SLC23A2: variants seen among roughly 807,000 people sequenced by gnomAD.
SLC23A2 encodes solute carrier family 23 member 2.
SLC23A2 carries 36 observed loss-of-function variants against 73.3 expected under a neutral mutation model. The ratio of observed to expected loss-of-function variants is 0.49; its 90% confidence interval spans 0.38 to 0.65. SLC23A2 has a LOEUF of 0.65. SLC23A2 is among the 30% of genes least tolerant of loss of function. The pLI is 0.00. For missense variants in SLC23A2, 507 were observed against 841.6 expected (o/e 0.60, Z 4.92); for synonymous variants, 343 against 327.3 (o/e 1.05, Z -0.52).
intron 4 of SLC23A2, among the ~76,000 whole-genome samples, chr20:4,907,404 C>A (rs1483808326): frequency 6.6e-6 from 1 of 151,962 alleles, no homozygotes; most frequent in Non-Finnish European, 1.5e-5. Context: ...GCCTCCTATC[C>A]TGGAACAGTG....
intron 3 of SLC23A2, among the ~76,000 whole-genome samples, chr20:4,917,621 T>C: frequency 6.6e-6 from 1 of 152,206 alleles, no homozygotes; most frequent in Admixed American, 6.5e-5. Flanking sequence ...CCAGGAAGTT[T>C]ATTTAACTGT....
At position 4,868,067 on chromosome 20, in the gene SLC23A2, T is replaced by A. The variant is rs1930275938; in HGVS notation, c.1251-192A>T. Among the ~76,000 whole-genome samples the A allele has an allele frequency of 1.4e-5, 2 of 143,156 alleles. No individual in the cohort carries two copies. The highest frequency in any genetic ancestry group is 3.0e-5 in the Non-Finnish European group (2 of 66,218). The allele number at this position is 143,156 out of a possible 152,430, so 93.9% of individuals were successfully genotyped here. A position where few individuals can be genotyped will look rare whatever the true frequency, so the allele number is the denominator to read the frequency against. The stretch of plus-strand genomic sequence containing the variant: ...CCAGACCTGCTGAAGCAGAAAAGAA[T>A]CTGCATTTTTTTTTTTTTTTTTTTT... On this transcript the variant is annotated intron_variant, in intron 12 of 16. Transcript: ENST00000338244. This position sits in a 1 kb window ranked among gnomAD's most constrained non-coding sequence, Gnocchi z 4.4.
intron 2 of SLC23A2, among the ~76,000 whole-genome samples, chr20:4,955,545 T>C (rs1600169953): frequency 6.6e-6 from 1 of 152,212 alleles, no homozygotes; most frequent in East Asian, 1.9e-4. Flanking sequence ...TCCTAGCACT[T>C]TGGGAGGCCA....
Position 4,857,241 on chromosome 20 carries a change from C to T in SLC23A2, c.1721-37G>A, listed in dbSNP as rs531749255. On this transcript the variant is annotated intron_variant, in intron 16 of 16. Transcript: ENST00000338244. The surrounding 1 kb of genome is among the most constrained non-coding windows in gnomAD (Gnocchi z 4.0). ...CCCAAGATAGAACAAAGGAATGCTTCGTTTAGCAGCTCTACTGAAAATGAA... is the reference window on the plus strand; with the variant it reads ...CCCAAGATAGAACAAAGGAATGCTTTGTTTAGCAGCTCTACTGAAAATGAA... The T allele has an allele frequency of 6.2e-4, 710 of 1,139,626 alleles. 11 individuals carry two copies. The South Asian group carries it at 9.0e-3, about 14-fold the overall frequency. The allele number at this position is 1,139,626 out of a possible 1,614,324, so 70.6% of individuals were successfully genotyped here.
intron 2 of SLC23A2, among the ~76,000 whole-genome samples, chr20:4,944,239 TTTTG>T (rs761786310): frequency 1.1e-4 from 17 of 152,144 alleles, no homozygotes; most frequent in African/African-American, 2.9e-4. Flanking sequence ...GAACCTGTAT[TTTTG>T]TTTGTTTGTT....
chr20:4,975,288 A>G (rs2087625786), intron 1 of SLC23A2, among the ~76,000 whole-genome samples: 1 of 152,172 alleles, frequency 6.6e-6, no homozygotes, highest in African/African-American at 2.4e-5. Flanking sequence ...GAAGAAAACT[A>G]TGTATTTCTT....
intron 3 of SLC23A2, among the ~76,000 whole-genome samples, chr20:4,913,465 C>A (rs1431886391): frequency 1.3e-5 from 2 of 152,116 alleles, no homozygotes; most frequent in Admixed American, 1.3e-4. Flanking sequence ...GTAGCAAGAG[C>A]CATAAAATAT....
chr20:4,869,899 A>G lies in SLC23A2; in HGVS notation c.1250+7T>C. The G allele has an allele frequency of 6.2e-7, 1 of 1,606,748 alleles. No individual in the cohort carries two copies. The highest frequency in any genetic ancestry group is 1.3e-5 in the African/African-American group (1 of 74,526). On this transcript the variant is annotated splice_region_variant and intron_variant, in intron 12 of 16. Coordinates refer to ENST00000338244, the MANE Select transcript of SLC23A2 (RefSeq NM_005116.6). ...CCAATCAGGAACTTGTCTTCTCAGG[A>G]ACGTACCTGTTTATTGCGTGGATGG...
chr20:4,868,825 A>T lies in SLC23A2; in HGVS notation c.1251-950T>A, dbSNP rs1930309811. Among the ~76,000 whole-genome samples, 1 of 152,138 alleles carries T rather than the reference A, an allele frequency of 6.6e-6. No individual in the cohort carries two copies. Among genetic ancestry groups the T allele is most frequent in the South Asian group, 2.1e-4 (1 of 4,828 alleles). On this transcript the variant is annotated intron_variant, in intron 12 of 16. Transcript: ENST00000338244. The surrounding 1 kb of genome is among the most constrained non-coding windows in gnomAD (Gnocchi z 4.4). ...TTTTCTCTGCAGACTCCTCAGGGGC[A>T]ATCATCTGACAACTTCTAAAAGCTA...
chr20:4,884,301 G>A (rs1791083503), intron 8 of SLC23A2, among the ~76,000 whole-genome samples: 1 of 152,240 alleles, frequency 6.6e-6, no homozygotes, highest in Non-Finnish European at 1.5e-5. Context: ...TATCTCACAC[G>A]TTTTGGAAAA....
At chr20:4,859,704 T>C (rs1244810120) in intron 15 of SLC23A2, among the ~76,000 whole-genome samples, 5 of 150,912 alleles carry the variant, frequency 3.3e-5, no homozygotes, top group African/African-American at 1.2e-4. Flanking sequence ...TAAAAAAAAT[T>C]CTAAATAAAA....
intron 1 of SLC23A2, among the ~76,000 whole-genome samples, chr20:4,983,678 G>A (rs1324744840): frequency 6.8e-6 from 1 of 146,430 alleles, no homozygotes; most frequent in Non-Finnish European, 1.5e-5. Flanking sequence ...ACACAAGCAA[G>A]GCCAGGTTCG....
At chr20:4,935,186 CAAAAAAA>C (rs34200051) in intron 2 of SLC23A2, among the ~76,000 whole-genome samples, 1 of 68,134 alleles carries the variant, frequency 1.5e-5, no homozygotes, top group Non-Finnish European at 2.8e-5. Flanking sequence ...GACTCCGTCT[CAAAAAAA>C]AAAAAAAAAA....
intron 2 of SLC23A2, among the ~76,000 whole-genome samples, chr20:4,960,600 C>T (rs536308143): frequency 2.0e-4 from 31 of 152,324 alleles, no homozygotes; most frequent in South Asian, 1.0e-3. Context: ...GTAGCGCACG[C>T]GCACACGCAC....
Position 4,899,216 on chromosome 20 carries a change from C to A in SLC23A2, c.482+339G>T, listed in dbSNP as rs1021228757. Among the ~76,000 whole-genome samples the A allele has an allele frequency of 6.6e-6, 1 of 152,108 alleles. No homozygotes were observed. Among genetic ancestry groups the A allele is most frequent in the South Asian group, 2.1e-4 (1 of 4,818 alleles). On this transcript the variant is annotated intron_variant, in intron 6 of 16. Coordinates refer to ENST00000338244, the MANE Select transcript of SLC23A2 (RefSeq NM_005116.6). This position sits in a 1 kb window ranked among gnomAD's most constrained non-coding sequence, Gnocchi z 4.9. Reference sequence around the variant, plus strand: ...AGTGCCCTGGAGGCAGGGAAGCCAACGGGGAGCCTGGTGGGACACTCTGGT... The same window carrying A: ...AGTGCCCTGGAGGCAGGGAAGCCAAAGGGGAGCCTGGTGGGACACTCTGGT...
chr20:4,897,688 CA>C (rs1931596015), intron 6 of SLC23A2, among the ~76,000 whole-genome samples: 1 of 152,122 alleles, frequency 6.6e-6, no homozygotes, highest in East Asian at 1.9e-4. Flanking sequence ...CCTCTGTGAC[CA>C]AAAGTATTTA....
chr20:4,983,397 A>T (rs1230941694), intron 1 of SLC23A2, among the ~76,000 whole-genome samples: 1 of 152,200 alleles, frequency 6.6e-6, no homozygotes, highest in East Asian at 1.9e-4. Flanking sequence ...CTGTAATCCC[A>T]GCACTTCGGG....
intron 3 of SLC23A2, among the ~76,000 whole-genome samples, chr20:4,926,655 C>T (rs1016523337): frequency 2.6e-5 from 4 of 151,578 alleles, no homozygotes; most frequent in Admixed American, 2.6e-4. Context: ...TTGCTATGTT[C>T]CCCCTATTTG....
chr20:5,004,413 T>C (rs754068500), upstream of SLC23A2, among the ~76,000 whole-genome samples: 7 of 152,224 alleles, frequency 4.6e-5, no homozygotes, highest in Non-Finnish European at 1.0e-4. Flanking sequence ...TTTCTTGGAC[T>C]GTTAACCATC....
Sources: gnomAD v4.1 joint callset for allele counts (sites outside exome capture counted in the v4.1 genomes callset) on GRCh38, gnomAD v4.1.1 for gene constraint, Gnocchi (gnomAD v3.1) non-coding constraint, MANE v1.5 for transcripts, NCBI Gene and HGNC (gene_info 2026-07-23, HGNC 2026-07-21) for gene names.